The following MED13L variants were observed in gnomAD, a reference collection of about 807,000 sequenced individuals.
MED13L encodes the protein mediator of RNA polymerase II transcription subunit 13-like.
MED13L carries 7 observed loss-of-function variants against 220.9 expected under a neutral mutation model. The observed-to-expected ratio is 0.03, with a 90% CI of 0.02 to 0.06. MED13L has a LOEUF of 0.06. MED13L is among the 10% of genes least tolerant of loss of function. MED13L has a pLI of 1.00. For synonymous variants in MED13L, 1,011 were observed against 1,015.2 expected (o/e 1.00, Z 0.08); for missense variants, 1,965 against 2,760.5 (o/e 0.71, Z 6.46).
intron 1 of MED13L, among the ~76,000 whole-genome samples, chr12:116,273,053 C>G (rs745560785): frequency 2.2e-4 from 33 of 152,040 alleles, no homozygotes; most frequent in Non-Finnish European, 4.4e-4. Context: ...GCCTGTAATC[C>G]CAGCACTTTG....
intron 3 of MED13L, among the ~76,000 whole-genome samples, chr12:116,105,704 G>A (rs766221395): frequency 1.2e-4 from 19 of 152,086 alleles, no homozygotes; most frequent in South Asian, 2.1e-4. Flanking sequence ...GTAACAGAAC[G>A]GGAAGATAAC....
chr12:116,115,996 C>T (rs1044233283), intron 2 of MED13L, among the ~76,000 whole-genome samples: 4 of 152,186 alleles, frequency 2.6e-5, no homozygotes, highest in Non-Finnish European at 2.9e-5. Flanking sequence ...CCATACAACC[C>T]AATATCCCGT....
intron 4 of MED13L, among the ~76,000 whole-genome samples, chr12:116,070,946 T>C (rs1326580025): frequency 6.6e-6 from 1 of 152,218 alleles, no homozygotes; most frequent in Non-Finnish European, 1.5e-5. Flanking sequence ...TCAATTTCAA[T>C]TATAAACTAA....
At chr12:116,216,967 T>C (rs1304974518) in intron 2 of MED13L, among the ~76,000 whole-genome samples, 1 of 152,246 alleles carries the variant, frequency 6.6e-6, no homozygotes, top group East Asian at 1.9e-4. Flanking sequence ...CAAAAATCTG[T>C]TGTCCTCAAG....
At chr12:115,985,584 A>G (rs967565270) in intron 19 of MED13L, among the ~76,000 whole-genome samples, 1 of 152,238 alleles carries the variant, frequency 6.6e-6, no homozygotes, top group Non-Finnish European at 1.5e-5. Flanking sequence ...TATCAGATAC[A>G]AAGAACTTAG....
chr12:116,216,181 CTTTA>C (rs990736437), intron 2 of MED13L, among the ~76,000 whole-genome samples: 16 of 152,158 alleles, frequency 1.1e-4, no homozygotes, highest in Non-Finnish European at 2.2e-4. Context: ...CTCTCTGAAG[CTTTA>C]TTTATTTATT....
At chr12:116,264,273 T>C (rs1051123041) in intron 1 of MED13L, among the ~76,000 whole-genome samples, 1 of 152,190 alleles carries the variant, frequency 6.6e-6, no homozygotes, top group African/African-American at 2.4e-5. Flanking sequence ...GGCAACATCA[T>C]TTGATCCATT....
At chr12:116,239,791 G>A (rs1295336143) in intron 1 of MED13L, among the ~76,000 whole-genome samples, 1 of 152,108 alleles carries the variant, frequency 6.6e-6, no homozygotes, top group Non-Finnish European at 1.5e-5. Context: ...CTCCCAAATT[G>A]CATATCTTTT....
chr12:116,187,093 C>T (rs777092374), intron 2 of MED13L, among the ~76,000 whole-genome samples: 5 of 152,060 alleles, frequency 3.3e-5, no homozygotes, highest in Admixed American at 6.6e-5. Flanking sequence ...TTGTTTTTGC[C>T]GAACTGCCTT....
intron 1 of MED13L, among the ~76,000 whole-genome samples, chr12:116,262,395 A>G (rs1230912862): frequency 6.6e-6 from 1 of 152,218 alleles, no homozygotes; most frequent in Non-Finnish European, 1.5e-5. Context: ...AAATCAATAG[A>G]TATTTTCTAA....
chr12:116,061,351 A>G (rs972912265), intron 4 of MED13L, among the ~76,000 whole-genome samples: 5 of 152,152 alleles, frequency 3.3e-5, no homozygotes, highest in African/African-American at 1.2e-4. Flanking sequence ...AAGGTATACA[A>G]TAAATTCTCA....
chr12:115,970,140 A>C (rs1021974653), intron 27 of MED13L, among the ~76,000 whole-genome samples: 2 of 152,148 alleles, frequency 1.3e-5, no homozygotes, highest in African/African-American at 4.8e-5. Context: ...CATTTTTTTA[A>C]ACAAATACCT....
At chr12:116,069,421 AATTTGTACTT>A (rs1870202760) in intron 4 of MED13L, among the ~76,000 whole-genome samples, 1 of 152,160 alleles carries the variant, frequency 6.6e-6, no homozygotes, top group Non-Finnish European at 1.5e-5. Flanking sequence ...TAATAAAGCT[AATTTGTACTT>A]CCCATTTGCT....
chr12:116,055,451 A>C (rs971806025), intron 4 of MED13L, among the ~76,000 whole-genome samples: 2 of 152,250 alleles, frequency 1.3e-5, no homozygotes, highest in Admixed American at 6.5e-5. Context: ...GATATAGAGG[A>C]GTCAAAGCAC....
chr12:116,245,193 C>G (rs909535729), intron 1 of MED13L, among the ~76,000 whole-genome samples: 2 of 152,036 alleles, frequency 1.3e-5, no homozygotes, highest in African/African-American at 4.8e-5. Context: ...CAAGGACCAC[C>G]CCCTCCCTAC....
At chr12:116,011,145 A>G (rs560287353) in intron 9 of MED13L, among the ~76,000 whole-genome samples, 16 of 152,166 alleles carry the variant, frequency 1.1e-4, no homozygotes, top group African/African-American at 3.9e-4. Context: ...TTGGCCTCCC[A>G]AAGTGCTAGG....
At chr12:116,164,731 C>G (rs1879126697) in intron 2 of MED13L, among the ~76,000 whole-genome samples, 1 of 152,194 alleles carries the variant, frequency 6.6e-6, no homozygotes, top group South Asian at 2.1e-4. Flanking sequence ...GTCACACTGT[C>G]TTTTCAGAGT....
chr12:115,963,344 A>C, intron 30 of MED13L, 63 bp downstream of exon 30: 1 of 1,331,944 alleles, frequency 7.5e-7, no homozygotes, highest in Non-Finnish European at 1.1e-6. Context: ...ACACCTTGGA[A>C]AGACAACAGT....
At chr12:116,239,239 G>C (rs1870387429) in intron 1 of MED13L, among the ~76,000 whole-genome samples, 1 of 152,110 alleles carries the variant, frequency 6.6e-6, no homozygotes. Flanking sequence ...GCTGAGATAC[G>C]CAAATCTAAA....
Sources: allele counts gnomAD v4.1 joint callset (sites outside exome capture counted in the v4.1 genomes callset), GRCh38; gene constraint gnomAD v4.1.1; transcripts MANE v1.5; gene names NCBI Gene and HGNC (gene_info 2026-07-23, HGNC 2026-07-21).